DAB1: variants seen among roughly 807,000 people sequenced by gnomAD.
The protein encoded by DAB1 is DAB adaptor protein 1.
DAB1 carries 15 observed loss-of-function variants against 64.6 expected under a neutral mutation model. The observed-to-expected ratio is 0.23, with a 90% CI of 0.16 to 0.36. The LOEUF (loss-of-function observed/expected upper bound fraction) is 0.36, where lower values mean the gene tolerates loss of function less well. DAB1 is among the 10% of genes least tolerant of loss of function. The pLI, the probability that DAB1 is intolerant of heterozygous loss-of-function variation, is 1.00. For synonymous variants in DAB1, 235 were observed against 251.9 expected (o/e 0.93, Z 0.64); for missense variants, 596 against 706.7 (o/e 0.84, Z 1.78).
At chr1:58,128,136 G>C (rs1653262604) in intron 5 of DAB1, among the ~76,000 whole-genome samples, 1 of 151,986 alleles carries the variant, frequency 6.6e-6, no homozygotes, top group Admixed American at 6.6e-5. Context: ...TTATTTCCTG[G>C]AGCAGTGGTT....
intron 4 of DAB1, among the ~76,000 whole-genome samples, chr1:57,111,204 C>T (rs1220353619): frequency 6.6e-6 from 1 of 151,974 alleles, no homozygotes; most frequent in East Asian, 1.9e-4. Context: ...GTTGACACAC[C>T]CATACCCTGA....
At position 57,940,740 on chromosome 1, in the gene DAB1, A is replaced by G. The variant is rs1040560023; in HGVS notation, n.388-56578T>C. Among the ~76,000 whole-genome samples, 5 of 152,218 alleles carry G rather than the reference A, an allele frequency of 3.3e-5. No homozygotes were observed. The South Asian group carries it at 8.3e-4, about 25-fold the overall frequency. ...CCCCACACTATGCACCTCTACTGTT[A>G]AAACTGAAGAATCAAAGGATGGAAT... On this transcript the variant is annotated intron_variant and non_coding_transcript_variant, in intron 5 of 20. Coordinates refer to the DAB1 transcript ENST00000485760.
intron 1 of DAB1, among the ~76,000 whole-genome samples, chr1:57,297,613 A>C (rs1673308745): frequency 6.6e-6 from 1 of 152,216 alleles, no homozygotes; most frequent in African/African-American, 2.4e-5. Context: ...AGTGATACTA[A>C]GTAAAGGGCA....
intron 1 of DAB1, among the ~76,000 whole-genome samples, chr1:57,842,289 A>G (rs535040145): frequency 1.3e-5 from 2 of 152,310 alleles, no homozygotes; most frequent in East Asian, 1.9e-4. Flanking sequence ...CCATACCACT[A>G]TCAGCATTTT....
At position 58,144,675 on chromosome 1, in the gene DAB1, T is replaced by C. The variant is rs183958001; in HGVS notation, n.387+5836A>G. Among the ~76,000 whole-genome samples, 333 of 152,062 alleles carry C rather than the reference T, an allele frequency of 2.2e-3. 1 individual carries two copies. The highest frequency in any genetic ancestry group is 7.5e-3 in the African/African-American group (309 of 41,456). On this transcript the variant is annotated intron_variant and non_coding_transcript_variant, in intron 5 of 20. Transcript: ENST00000485760. ...AACCCAAGCTCTGACTCTACCAGAATGAGTAGAAGCATTTTATAGGAAAGA... is the reference window on the plus strand; with the variant it reads ...AACCCAAGCTCTGACTCTACCAGAACGAGTAGAAGCATTTTATAGGAAAGA...
chr1:57,170,655 A>G (rs1661660548), intron 2 of DAB1, among the ~76,000 whole-genome samples: 1 of 152,132 alleles, frequency 6.6e-6, no homozygotes. Flanking sequence ...CTCTGAGTCC[A>G]ACGTCCGTGC....
At chr1:57,768,814 G>A (rs1347615874) in intron 6 of DAB1, among the ~76,000 whole-genome samples, 1 of 151,990 alleles carries the variant, frequency 6.6e-6, no homozygotes, top group East Asian at 1.9e-4. Flanking sequence ...AAATATTAAT[G>A]AGCAATAAAG....
chr1:57,155,482 T>A (rs1344144372), intron 2 of DAB1, among the ~76,000 whole-genome samples: 2 of 151,934 alleles, frequency 1.3e-5, no homozygotes, highest in Non-Finnish European at 2.9e-5. Context: ...TTTGTTTTTG[T>A]TTTTGTTTTT....
intron 4 of DAB1, among the ~76,000 whole-genome samples, chr1:57,110,035 T>A (rs1655512404): frequency 6.6e-6 from 1 of 152,106 alleles, no homozygotes; most frequent in Admixed American, 6.5e-5. Context: ...ACAGGAGACA[T>A]AACGAGATCA....
chr1:57,645,209 C>T (rs1263674737), intron 7 of DAB1, among the ~76,000 whole-genome samples: 4 of 152,120 alleles, frequency 2.6e-5, no homozygotes, highest in African/African-American at 4.8e-5. Flanking sequence ...ACCAGATTCT[C>T]GGTAATGTAA....
At position 58,118,521 on chromosome 1, in the gene DAB1, C is replaced by CACACACACACACAT. The variant is rs1491324385; in HGVS notation, n.387+31989_387+31990insATGTGTGTGTGTGT. ...ATATATATACACACACACACACACA[C>CACACACACACACAT]ATATATATATATAAAATACATATAT... On this transcript the variant is annotated intron_variant and non_coding_transcript_variant, in intron 5 of 20. Transcript: ENST00000485760. Among the ~76,000 whole-genome samples the CACACACACACACAT allele has an allele frequency of 8.1e-5, 8 of 98,950 alleles. No individual in the cohort carries two copies. In the East Asian group the frequency reaches 1.8e-3, roughly 22 times the overall value. The allele number at this position is 98,950 out of a possible 152,430, so 64.9% of individuals were successfully genotyped here. A position where few individuals can be genotyped will look rare whatever the true frequency, so the allele number is the denominator to read the frequency against.
chr1:58,067,485 C>G (rs1648927847), intron 5 of DAB1, among the ~76,000 whole-genome samples: 1 of 152,110 alleles, frequency 6.6e-6, no homozygotes. Context: ...AAACACCTAC[C>G]ACAGATTCCA....
At chr1:57,783,723 A>G (rs1650215466) in intron 6 of DAB1, among the ~76,000 whole-genome samples, 1 of 152,136 alleles carries the variant, frequency 6.6e-6, no homozygotes, top group East Asian at 1.9e-4. Flanking sequence ...TACTTGCAAT[A>G]TTTCAAAGTT....
intron 3 of DAB1, among the ~76,000 whole-genome samples, chr1:58,459,798 C>A (rs1645225626): frequency 6.6e-6 from 1 of 152,060 alleles, no homozygotes; most frequent in Non-Finnish European, 1.5e-5. Flanking sequence ...GCCAACATGG[C>A]AAAACCCCAT....
At chr1:57,413,160 T>C (rs945541248) in intron 1 of DAB1, among the ~76,000 whole-genome samples, 1 of 152,186 alleles carries the variant, frequency 6.6e-6, no homozygotes, top group East Asian at 1.9e-4. Flanking sequence ...GTATTTTAAG[T>C]CCACTGTTGA....
chr1:57,507,306 T>C (rs967870920), intron 7 of DAB1, among the ~76,000 whole-genome samples: 1 of 152,232 alleles, frequency 6.6e-6, no homozygotes, highest in Non-Finnish European at 1.5e-5. Context: ...TTCTCTTGCT[T>C]GGATAGTTGT....
At chr1:57,356,333 T>G (rs949090932) in intron 1 of DAB1, among the ~76,000 whole-genome samples, 1 of 152,150 alleles carries the variant, frequency 6.6e-6, no homozygotes, top group Non-Finnish European at 1.5e-5. Flanking sequence ...ATCTGTAGCA[T>G]GCAGGTAAAA....
At chr1:58,154,851 C>T (rs1655135409) in intron 4 of DAB1, among the ~76,000 whole-genome samples, 1 of 151,978 alleles carries the variant, frequency 6.6e-6, no homozygotes, top group Non-Finnish European at 1.5e-5. Flanking sequence ...TTTCAATGGA[C>T]AAAAGTGTTA....
chr1:57,247,366 A>G (rs549491629), intron 2 of DAB1, among the ~76,000 whole-genome samples: 2 of 152,256 alleles, frequency 1.3e-5, no homozygotes, highest in Admixed American at 6.5e-5. Context: ...CTGCTCTGCC[A>G]TGGTAAGATG....
Sources: gnomAD v4.1 joint callset for allele counts (sites outside exome capture counted in the v4.1 genomes callset) on GRCh38, gnomAD v4.1.1 for gene constraint, MANE v1.5 for transcripts, NCBI Gene and HGNC (gene_info 2026-07-23, HGNC 2026-07-21) for gene names.